The following COLEC10 variants were observed in gnomAD, a reference collection of about 807,000 sequenced individuals.
COLEC10 encodes the protein collectin subfamily member 10, also known as collectin-10.
A neutral mutation model predicts 28.4 loss-of-function variants in COLEC10; 22 were observed. The observed-to-expected ratio is 0.78, with a 90% CI of 0.55 to 1.11. The LOEUF is 1.11. COLEC10 is among the 50% of genes least tolerant of loss of function. The pLI, the probability that COLEC10 is intolerant of heterozygous loss-of-function variation, is 0.00. For missense variants in COLEC10, 361 were observed against 344.1 expected (o/e 1.05, Z -0.39); for synonymous variants, 125 against 116.1 (o/e 1.08, Z -0.49).
At chr8:119,031,807 C>T (rs534481785) in intron 2 of COLEC10, among the ~76,000 whole-genome samples, 1 of 152,108 alleles carries the variant, frequency 6.6e-6, no homozygotes, top group Non-Finnish European at 1.5e-5. Flanking sequence ...TTTTACTTGA[C>T]CTTAATTCAA....
chr8:119,087,570 T>C (rs1032319042), intron 1 of COLEC10, among the ~76,000 whole-genome samples: 1 of 152,202 alleles, frequency 6.6e-6, no homozygotes, highest in Admixed American at 6.5e-5. Flanking sequence ...ATCCCAAGGA[T>C]ACATTTCCTG....
chr8:119,081,070 A>G (rs1299959787), intron 1 of COLEC10, among the ~76,000 whole-genome samples: 1 of 152,022 alleles, frequency 6.6e-6, no homozygotes, highest in East Asian at 1.9e-4. Context: ...AAACATTCTT[A>G]TTTATCCATT....
the COLEC10 span, among the ~76,000 whole-genome samples, chr8:118,956,933 A>C: frequency 2.0e-4 from 30 of 152,168 alleles, no homozygotes; most frequent in Non-Finnish European, 3.7e-4. Flanking sequence ...AACTAAAATA[A>C]ATTTTTAGAA....
chr8:119,059,162 T>C (rs1453759282), intron 2 of COLEC10, among the ~76,000 whole-genome samples: 3 of 152,220 alleles, frequency 2.0e-5, no homozygotes, highest in African/African-American at 7.2e-5. Flanking sequence ...AGTCTGTGAC[T>C]TTTCTGTTTA....
chr8:119,102,393 G>A lies in COLEC10; in HGVS notation c.338G>A (p.Gly113Asp), dbSNP rs1373541081. Residue 113 changes from glycine to aspartate, a missense_variant, in exon 4 of 6, where the codon GGC (glycine) becomes GAC (aspartate). This residue lies in a region of COLEC10 where 335 missense variants were observed against 308.5 expected (regional missense o/e 1.09). Transcript: ENST00000332843. ...KGLLGIPGEKGKAGTVCDCGR... is the reference protein window; with the variant it reads ...KGLLGIPGEKDKAGTVCDCGR... ...TTGCTTGGAATACCTGGAGAAAAAG[G>A]CAAAGCAGGTACGATATGTTCAATG... is the stretch of plus-strand genomic sequence containing the variant. 3 of 1,609,342 alleles carry A rather than the reference G, an allele frequency of 1.9e-6. No individual in the cohort carries two copies. In the African/African-American group the frequency reaches 4.0e-5, roughly 22 times the overall value.
intron 2 of COLEC10, among the ~76,000 whole-genome samples, chr8:119,051,125 T>TA (rs944175897): frequency 6.0e-5 from 9 of 150,946 alleles, no homozygotes; most frequent in Admixed American, 1.3e-4. Context: ...GTGTGAGATT[T>TA]AAAAAAAAAT....
chr8:118,960,408 A>G, the COLEC10 span, among the ~76,000 whole-genome samples: 1 of 152,164 alleles, frequency 6.6e-6, no homozygotes, highest in African/African-American at 2.4e-5. Flanking sequence ...TGCATACTTT[A>G]TTTCACTTTG....
the COLEC10 span, among the ~76,000 whole-genome samples, chr8:118,965,762 C>T: frequency 6.6e-6 from 1 of 152,110 alleles, no homozygotes; most frequent in East Asian, 1.9e-4. Flanking sequence ...GGACCTGGCA[C>T]AGTGCTTTGC....
At chr8:119,050,558 A>G (rs1018278510) in intron 2 of COLEC10, among the ~76,000 whole-genome samples, 6 of 152,212 alleles carry the variant, frequency 3.9e-5, no homozygotes, top group African/African-American at 1.4e-4. Flanking sequence ...AAAGTTCTAT[A>G]TTTTATGGCT....
chr8:119,067,253 G>C lies in COLEC10; in HGVS notation c.-29G>C, dbSNP rs1485816227. Reference sequence around the variant, plus strand: ...ATAAAGCTGTTTATTTGGCATTTCTGGGAGACCCTTTTCTGAGGAACCACA... The same window carrying C: ...ATAAAGCTGTTTATTTGGCATTTCTCGGAGACCCTTTTCTGAGGAACCACA... On this transcript the variant is annotated 5_prime_UTR_variant, in exon 1 of 6. Transcript: ENST00000332843. The C allele has an allele frequency of 6.2e-7, 1 of 1,609,306 alleles. No homozygotes were observed. The highest frequency in any genetic ancestry group is 1.1e-5 in the South Asian group (1 of 90,144).
chr8:119,053,718 T>C (rs900784066), intron 2 of COLEC10, among the ~76,000 whole-genome samples: 3 of 152,016 alleles, frequency 2.0e-5, no homozygotes, highest in African/African-American at 7.2e-5. Flanking sequence ...ATCTCTAATA[T>C]GATAGCTTGC....
chr8:119,001,893 G>A (rs1164441051), intron 1 of COLEC10, among the ~76,000 whole-genome samples: 1 of 152,136 alleles, frequency 6.6e-6, no homozygotes, highest in African/African-American at 2.4e-5. Flanking sequence ...TACAATATGT[G>A]ATACCACAGC....
intron 2 of COLEC10, among the ~76,000 whole-genome samples, chr8:119,026,200 G>T (rs1814187706): frequency 6.6e-6 from 1 of 152,056 alleles, no homozygotes; most frequent in Admixed American, 6.6e-5. Context: ...AATAATTTTT[G>T]CAGTACTGGG....
intron 3 of COLEC10, among the ~76,000 whole-genome samples, chr8:119,101,821 G>GTTTTT (rs1263127103): frequency 1.3e-5 from 2 of 151,794 alleles, no homozygotes; most frequent in African/African-American, 4.8e-5. Context: ...GTTTTGTTTT[G>GTTTTT]GAAATCCAAG....
chr8:119,096,709 A>C (rs1487864508), intron 3 of COLEC10, among the ~76,000 whole-genome samples: 2 of 152,192 alleles, frequency 1.3e-5, no homozygotes, highest in African/African-American at 4.8e-5. Context: ...AAGGGCTTAC[A>C]TGTAAAACAT....
chr8:119,003,672 G>A (rs1312471191), intron 1 of COLEC10, among the ~76,000 whole-genome samples: 1 of 151,984 alleles, frequency 6.6e-6, no homozygotes, highest in East Asian at 1.9e-4. Flanking sequence ...AGGATTACAA[G>A]CTTCATAGTA....
At chr8:119,020,969 T>C (rs1051007397) in intron 2 of COLEC10, among the ~76,000 whole-genome samples, 1 of 152,134 alleles carries the variant, frequency 6.6e-6, no homozygotes, top group African/African-American at 2.4e-5. Context: ...ATTAAACATA[T>C]AGGACTTGCT....
intron 2 of COLEC10, among the ~76,000 whole-genome samples, chr8:119,032,865 G>C (rs1271638448): frequency 2.6e-5 from 4 of 152,232 alleles, no homozygotes; most frequent in Admixed American, 6.5e-5. Flanking sequence ...TCGCGCCTCT[G>C]CACCGGAGCC....
At chr8:118,993,417 C>A (rs991930162), upstream of COLEC10, among the ~76,000 whole-genome samples, 1 of 152,124 alleles carries the variant, frequency 6.6e-6, no homozygotes, top group African/African-American at 2.4e-5. Flanking sequence ...TGTGATAGCT[C>A]CATCTCGGCT....
Sources: allele counts gnomAD v4.1 joint callset (sites outside exome capture counted in the v4.1 genomes callset), GRCh38; gene constraint gnomAD v4.1.1; regional missense constraint gnomAD v4.1.1; transcripts MANE v1.5; gene names NCBI Gene and HGNC (gene_info 2026-07-23, HGNC 2026-07-21).